MUC7: variants seen among roughly 807,000 people sequenced by gnomAD.
MUC7 encodes the protein mucin-7.
In MUC7, 2 loss-of-function variants were observed where a neutral mutation model predicts 2.5. That is an observed-to-expected ratio of 0.81 (90% confidence interval 0.33 to 2.55). The LOEUF is 2.55. MUC7 is among the 30% of genes most tolerant of loss of function. The probability of loss-of-function intolerance (pLI) is 0.11; values close to 1 mark genes in which losing one functional copy is unlikely to be tolerated. For synonymous variants in MUC7, 133 were observed against 173.4 expected (o/e 0.77, Z 1.83); for missense variants, 408 against 455.6 (o/e 0.90, Z 0.95).
At chr4:70,458,767 T>C (rs935923059) in intron 1 of MUC7, among the ~76,000 whole-genome samples, 19 of 152,112 alleles carry the variant, frequency 1.2e-4, no homozygotes, top group African/African-American at 4.6e-4. Flanking sequence ...ATTCTCAGAT[T>C]ATTTTAAAAA....
At chr4:70,466,285 G>C (rs1318529725) in intron 1 of MUC7, among the ~76,000 whole-genome samples, 2 of 152,152 alleles carry the variant, frequency 1.3e-5, no homozygotes, top group South Asian at 4.1e-4. Context: ...GGAATAACCA[G>C]TACCAGCCAC....
intron 2 of MUC7, among the ~76,000 whole-genome samples, chr4:70,478,108 C>G (rs1735058533): frequency 6.6e-6 from 1 of 152,126 alleles, no homozygotes; most frequent in Admixed American, 6.5e-5. Flanking sequence ...TCATTTGATA[C>G]ATGTTCCAGG....
chr4:70,460,175 G>T (rs1272180009), intron 1 of MUC7, among the ~76,000 whole-genome samples: 1 of 151,802 alleles, frequency 6.6e-6, no homozygotes, highest in South Asian at 2.1e-4. Context: ...CACTATAGAC[G>T]GCTAGATGTA....
chr4:70,445,762 T>G (rs929305652), intron 1 of MUC7, among the ~76,000 whole-genome samples: 1 of 152,180 alleles, frequency 6.6e-6, no homozygotes, highest in Non-Finnish European at 1.5e-5. Context: ...TGAAAGGTAT[T>G]AGTTGAGGGA....
At chr4:70,455,299 C>G (rs1734385191) in intron 1 of MUC7, among the ~76,000 whole-genome samples, 2 of 152,102 alleles carry the variant, frequency 1.3e-5, no homozygotes, top group Admixed American at 1.3e-4. Flanking sequence ...TCTTAAAAAG[C>G]TTCATTAGGC....
chr4:70,450,455 G>C (rs1472840176), intron 1 of MUC7, among the ~76,000 whole-genome samples: 1 of 152,170 alleles, frequency 6.6e-6, no homozygotes, highest in African/African-American at 2.4e-5. Context: ...TGGCTGTGCT[G>C]GTACCTAAGG....
intron 2 of MUC7, among the ~76,000 whole-genome samples, chr4:70,479,698 T>A (rs1217810734): frequency 1.3e-4 from 20 of 152,226 alleles, no homozygotes. Context: ...GTGATGGTAC[T>A]CTAACTCAAA....
upstream of MUC7, chr4:70,471,822 G>A (rs1209500531): frequency 6.6e-6 from 1 of 151,964 alleles, no homozygotes; most frequent in African/African-American, 2.4e-5. Context: ...AAGGAAATAT[G>A]GTGTTCCATC....
At chr4:70,453,549 C>G (rs1435649100) in intron 1 of MUC7, among the ~76,000 whole-genome samples, 1 of 152,032 alleles carries the variant, frequency 6.6e-6, no homozygotes, top group Non-Finnish European at 1.5e-5. Context: ...CAGGGGATAT[C>G]TAGAAATACT....
At chr4:70,430,501 C>T (rs1216550223) in exon 1 of MUC7, 1 of 152,106 alleles carries the variant, frequency 6.6e-6, no homozygotes, top group African/African-American at 2.4e-5. Context: ...TACTCAATTA[C>T]AGTATTTCCT....
At chr4:70,446,050 G>T (rs965963668) in intron 1 of MUC7, among the ~76,000 whole-genome samples, 1 of 152,126 alleles carries the variant, frequency 6.6e-6, no homozygotes, top group Non-Finnish European at 1.5e-5. Context: ...GGGCTGATGG[G>T]ACTCTAAGAG....
At chr4:70,435,212 G>A (rs991178046) in intron 1 of MUC7, among the ~76,000 whole-genome samples, 1 of 152,178 alleles carries the variant, frequency 6.6e-6, no homozygotes, top group African/African-American at 2.4e-5. Flanking sequence ...TTCTGTAGAT[G>A]TCTATTAGAT....
At chr4:70,462,761 C>G (rs1306142354) in intron 1 of MUC7, among the ~76,000 whole-genome samples, 1 of 151,968 alleles carries the variant, frequency 6.6e-6, no homozygotes, top group Admixed American at 6.6e-5. Flanking sequence ...TTGCTTGAGG[C>G]TAGTAGTTCA....
chr4:70,444,932 G>A (rs909563427), intron 1 of MUC7, among the ~76,000 whole-genome samples: 1 of 152,050 alleles, frequency 6.6e-6, no homozygotes, highest in Non-Finnish European at 1.5e-5. Context: ...TGCGCCTGTA[G>A]TTCCAGCTAC....
At chr4:70,456,226 A>G (rs553221839) in intron 1 of MUC7, among the ~76,000 whole-genome samples, 1 of 152,328 alleles carries the variant, frequency 6.6e-6, no homozygotes, top group East Asian at 1.9e-4. Context: ...GGAGGCATTC[A>G]GAAGACTCTG....
chr4:70,474,315 G>C (rs1560557555), intron 2 of MUC7, among the ~76,000 whole-genome samples: 3 of 152,016 alleles, frequency 2.0e-5, no homozygotes. Flanking sequence ...TTCAAGACTA[G>C]CCTGAGTAAC....
intron 2 of MUC7, 101 bp from the exon 3 acceptor site, chr4:70,480,698 C>G: frequency 8.0e-7 from 1 of 1,248,846 alleles, no homozygotes; most frequent in African/African-American, 1.5e-5. Flanking sequence ...GTTTCTAATC[C>G]CAGCATTCCA....
upstream of MUC7, among the ~76,000 whole-genome samples, chr4:70,470,768 C>CA (rs1395481755): frequency 8.6e-5 from 13 of 151,878 alleles, no homozygotes; most frequent in Non-Finnish European, 1.5e-4. Context: ...TAGTTGCTAG[C>CA]AAAAAAAGAT....
At chr4:70,456,553 G>C (rs919772954) in intron 1 of MUC7, among the ~76,000 whole-genome samples, 1 of 152,152 alleles carries the variant, frequency 6.6e-6, no homozygotes, top group African/African-American at 2.4e-5. Flanking sequence ...AGAAGAGAGA[G>C]AGAGAACAAA....
Sources: allele counts gnomAD v4.1 joint callset (sites outside exome capture counted in the v4.1 genomes callset), GRCh38; gene constraint gnomAD v4.1.1; transcripts MANE v1.5; gene names NCBI Gene and HGNC (gene_info 2026-07-23, HGNC 2026-07-21).